Variants in GALM observed in about 807,000 individuals in gnomAD.
GALM encodes galactose mutarotase.
In GALM, 43 loss-of-function variants were observed where a neutral mutation model predicts 37.4. The observed-to-expected ratio is 1.15, with a 90% confidence interval of 0.90 to 1.48. GALM has a LOEUF of 1.48. Ranked by LOEUF, GALM falls within the 40% of genes most tolerant of loss-of-function variation. The pLI, the probability that GALM is intolerant of heterozygous loss-of-function variation, is 0.00. For missense variants in GALM, 456 were observed against 419.1 expected, an observed-to-expected ratio of 1.09 and a Z score of -0.77; for synonymous variants, 199 against 170.6, an observed-to-expected ratio of 1.17 and a Z score of -1.30.
intron 4 of GALM, among the ~76,000 whole-genome samples, chr2:38,693,444 C>A (rs956494510): frequency 1.4e-5 from 2 of 146,574 alleles, no homozygotes; most frequent in African/African-American, 5.1e-5. Context: ...GATCACGCCA[C>A]TTTACTCCAG....
intron 4 of GALM, among the ~76,000 whole-genome samples, chr2:38,701,104 G>T (rs538951926): frequency 6.6e-6 from 1 of 152,292 alleles, no homozygotes; most frequent in South Asian, 2.1e-4. Context: ...CAGATCCCTG[G>T]TACCCTGCTT....
intron 4 of GALM, among the ~76,000 whole-genome samples, chr2:38,722,670 G>T (rs1218288128): frequency 2.6e-5 from 4 of 152,182 alleles, no homozygotes; most frequent in Non-Finnish European, 5.9e-5. Context: ...ACTCAGCATT[G>T]CTGAGAGCTA....
At chr2:38,702,951 A>ATATATATAT (rs1665948531) in intron 4 of GALM, among the ~76,000 whole-genome samples, 1 of 129,948 alleles carries the variant, frequency 7.7e-6, no homozygotes, top group African/African-American at 3.0e-5. Context: ...TATATATATA[A>ATATATATAT]TATGTGTAAT....
chr2:38,702,737 G>A (rs1665943936), intron 4 of GALM, among the ~76,000 whole-genome samples: 1 of 151,760 alleles, frequency 6.6e-6, no homozygotes, highest in Non-Finnish European at 1.5e-5. Flanking sequence ...TTCAGGCTTG[G>A]TCTCTTCGGG....
rs1553383346 is a variant in GALM, at chr2:38,708,111, T to TAAAATAAAATAAAATAAAATAAAA, written c.634+18217_634+18218insAAAATAAAATAAAATAAAATAAAA. ...AACAGAGTGAGAAACTGTATCAAAATTAAAATAAAATAAAATAAAATAAAA... is the reference window on the plus strand; with the variant it reads ...AACAGAGTGAGAAACTGTATCAAAATAAAATAAAATAAAATAAAATAAAATAAAATAAAATAAAATAAAATAAAA... On this transcript the variant is annotated intron_variant, in intron 4 of 6. Transcript: ENST00000272252. Among the ~76,000 whole-genome samples, 285 of 135,740 alleles carry TAAAATAAAATAAAATAAAATAAAA rather than the reference T, an allele frequency of 2.1e-3. 2 individuals are homozygous for TAAAATAAAATAAAATAAAATAAAA. Among genetic ancestry groups the TAAAATAAAATAAAATAAAATAAAA allele is most frequent in the Non-Finnish European group, 2.7e-3 (176 of 65,078 alleles). The allele number at this position is 135,740 out of a possible 152,430, so 89.1% of individuals were successfully genotyped here.
intron 4 of GALM, among the ~76,000 whole-genome samples, chr2:38,708,838 GT>G (rs1274315043): frequency 6.6e-6 from 1 of 151,942 alleles, no homozygotes; most frequent in Non-Finnish European, 1.5e-5. Context: ...TTGTTTGTTT[GT>G]TTGTTTTTTG....
chr2:38,730,581 A>G (rs1359944642), intron 5 of GALM, among the ~76,000 whole-genome samples: 2 of 152,160 alleles, frequency 1.3e-5, no homozygotes, highest in African/African-American at 4.8e-5. Context: ...TTTTAAATAA[A>G]GCAGAAAAAA....
intron 4 of GALM, among the ~76,000 whole-genome samples, chr2:38,696,477 A>G (rs956688450): frequency 5.4e-5 from 8 of 149,494 alleles, no homozygotes; most frequent in African/African-American, 2.0e-4. Context: ...CTGTTGCCCA[A>G]GCTGAAACAG....
At chr2:38,686,554 G>A (rs917291804) in intron 3 of GALM, among the ~76,000 whole-genome samples, 1 of 151,788 alleles carries the variant, frequency 6.6e-6, no homozygotes, top group African/African-American at 2.4e-5. Context: ...ATGAGCCACC[G>A]TGCCTGGCCA....
chr2:38,710,956 C>T (rs1332155462), intron 4 of GALM, among the ~76,000 whole-genome samples: 1 of 151,488 alleles, frequency 6.6e-6, no homozygotes, highest in Non-Finnish European at 1.5e-5. Context: ...GATTCACCAT[C>T]TTGACCAGGC....
At chr2:38,713,667 G>T (rs1425318212) in intron 4 of GALM, among the ~76,000 whole-genome samples, 1 of 152,106 alleles carries the variant, frequency 6.6e-6, no homozygotes, top group Admixed American at 6.5e-5. Context: ...ACTTTGGGAG[G>T]CCAAGACAGA....
chr2:38,687,435 C>G (rs944570847), intron 3 of GALM, among the ~76,000 whole-genome samples: 8 of 152,186 alleles, frequency 5.3e-5, no homozygotes, highest in African/African-American at 1.7e-4. Context: ...TCTGGACAGG[C>G]ATGGTGGCTC....
At chr2:38,730,870 G>T (rs571431568) in intron 5 of GALM, among the ~76,000 whole-genome samples, 1 of 149,170 alleles carries the variant, frequency 6.7e-6, no homozygotes, top group Admixed American at 6.7e-5. Flanking sequence ...GTAGTGAGCC[G>T]AGATCACGCC....
chr2:38,693,397 C>T (rs1432413219), intron 4 of GALM, among the ~76,000 whole-genome samples: 1 of 151,014 alleles, frequency 6.6e-6, no homozygotes, highest in Non-Finnish European at 1.5e-5. Flanking sequence ...GCAGGAGAAT[C>T]GCTTGAACCC....
chr2:38,674,455 T>G (rs949494755), intron 1 of GALM, among the ~76,000 whole-genome samples: 2 of 152,344 alleles, frequency 1.3e-5, no homozygotes, highest in African/African-American at 2.4e-5. Context: ...GCCAAAGTGC[T>G]GGGATTACAG....
At chr2:38,725,684 C>G (rs1666472239) in intron 4 of GALM, among the ~76,000 whole-genome samples, 1 of 151,768 alleles carries the variant, frequency 6.6e-6, no homozygotes, top group African/African-American at 2.4e-5. Flanking sequence ...ATTATTGTTG[C>G]CTTTTTCTTT....
At chr2:38,670,119 C>T (rs576961402) in intron 1 of GALM, among the ~76,000 whole-genome samples, 171 of 152,088 alleles carry the variant, frequency 1.1e-3, no homozygotes, top group African/African-American at 4.0e-3. Flanking sequence ...CTACCTCAGC[C>T]TCCTAAAGTG....
At chr2:38,692,357 A>G (rs1176430513) in intron 4 of GALM, among the ~76,000 whole-genome samples, 1 of 152,202 alleles carries the variant, frequency 6.6e-6, no homozygotes, top group Non-Finnish European at 1.5e-5. Context: ...GTAAGAATTC[A>G]CATGTCTGGC....
intron 4 of GALM, among the ~76,000 whole-genome samples, chr2:38,703,661 G>A (rs753981030): frequency 6.6e-6 from 1 of 152,084 alleles, no homozygotes; most frequent in Non-Finnish European, 1.5e-5. Flanking sequence ...TAGGGTTCTT[G>A]TATGTCTGGG....
Sources: gnomAD v4.1 joint callset for allele counts (sites outside exome capture counted in the v4.1 genomes callset) on GRCh38, gnomAD v4.1.1 for gene constraint, MANE v1.5 for transcripts, NCBI Gene and HGNC (gene_info 2026-07-23, HGNC 2026-07-21) for gene names.